Variants in CADPS2 observed in about 807,000 individuals in gnomAD.
The protein encoded by CADPS2 is calcium dependent secretion activator 2, also known as calcium-dependent secretion activator 2.
In CADPS2, 93 loss-of-function variants were observed where a neutral mutation model predicts 172.5. The ratio of observed to expected loss-of-function variants is 0.54; its 90% CI spans 0.46 to 0.64. The LOEUF is 0.64. CADPS2 is among the 30% of genes least tolerant of loss of function. The probability of loss-of-function intolerance (pLI) is 0.00; values close to 1 mark genes in which losing one functional copy is unlikely to be tolerated. For synonymous variants in CADPS2, 546 were observed against 555.2 expected, an observed-to-expected ratio of 0.98 and a Z score of 0.23; for missense variants, 1,420 against 1,565.9, an observed-to-expected ratio of 0.91 and a Z score of 1.57.
At chr7:122,498,436 A>G (rs2058933965) in intron 9 of CADPS2, among the ~76,000 whole-genome samples, 1 of 152,056 alleles carries the variant, frequency 6.6e-6, no homozygotes, top group African/African-American at 2.4e-5. Flanking sequence ...CCTCTGTCAC[A>G]TTTTTCCTTT....
intron 2 of CADPS2, among the ~76,000 whole-genome samples, chr7:122,683,512 A>G (rs543105147): frequency 6.6e-6 from 1 of 152,240 alleles, no homozygotes; most frequent in Admixed American, 6.5e-5. Context: ...TTTCGTAACA[A>G]TTTTATATAT....
At chr7:122,428,491 G>T (rs1226944828) in intron 17 of CADPS2, among the ~76,000 whole-genome samples, 4 of 147,490 alleles carry the variant, frequency 2.7e-5, no homozygotes, top group African/African-American at 1.0e-4. Flanking sequence ...TTTTGAGACG[G>T]AGTTTTGCTG....
At chr7:122,373,821 T>G (rs2042041378) in intron 25 of CADPS2, among the ~76,000 whole-genome samples, 1 of 152,058 alleles carries the variant, frequency 6.6e-6, no homozygotes, top group Admixed American at 6.6e-5. Flanking sequence ...ACCAAACATT[T>G]AAAGAAGAAT....
chr7:122,406,396 A>G (rs891890506), intron 20 of CADPS2, among the ~76,000 whole-genome samples: 4 of 152,220 alleles, frequency 2.6e-5, no homozygotes, highest in Non-Finnish European at 5.9e-5. Flanking sequence ...ATAAAGTATA[A>G]TAAAAAAAGT....
intron 2 of CADPS2, among the ~76,000 whole-genome samples, chr7:122,699,784 T>C (rs1482177551): frequency 6.6e-6 from 1 of 152,162 alleles, no homozygotes; most frequent in Admixed American, 6.5e-5. Flanking sequence ...ATGTCTGTTA[T>C]TAATCAAACA....
At chr7:122,664,064 C>CAAAAAAAAAAAA (rs541690772) in intron 2 of CADPS2, among the ~76,000 whole-genome samples, 1 of 84,882 alleles carries the variant, frequency 1.2e-5, no homozygotes, top group Non-Finnish European at 2.2e-5. Flanking sequence ...TGTTTATAAG[C>CAAAAAAAAAAAA]AAAAAAAAAA....
intron 28 of CADPS2, among the ~76,000 whole-genome samples, chr7:122,328,192 C>T (rs1422462827): frequency 6.6e-6 from 1 of 150,486 alleles, no homozygotes; most frequent in African/African-American, 2.4e-5. Context: ...ACAATGAAAG[C>T]CACCAGACAG....
At chr7:122,675,239 T>C (rs955045938) in intron 2 of CADPS2, among the ~76,000 whole-genome samples, 1 of 152,186 alleles carries the variant, frequency 6.6e-6, no homozygotes, top group Non-Finnish European at 1.5e-5. Flanking sequence ...TCCTCTGTGG[T>C]GACACCAGAC....
chr7:122,471,618 G>C (rs1367719191), intron 13 of CADPS2, 56 bp from the exon 14 acceptor site: 2 of 1,451,860 alleles, frequency 1.4e-6, no homozygotes, highest in African/African-American at 2.9e-5. Context: ...ACTACGATTT[G>C]CTTTCCTGAA....
At chr7:122,662,810 T>C (rs577174336) in intron 3 of CADPS2, among the ~76,000 whole-genome samples, 1 of 152,308 alleles carries the variant, frequency 6.6e-6, no homozygotes, top group Admixed American at 6.5e-5. Flanking sequence ...ATAAAAAAAT[T>C]TGAAATTTAA....
chr7:122,637,679 G>T (rs1322300078), intron 3 of CADPS2, among the ~76,000 whole-genome samples: 1 of 152,106 alleles, frequency 6.6e-6, no homozygotes, highest in Non-Finnish European at 1.5e-5. Flanking sequence ...ATTACAATCT[G>T]GTTAAGAACT....
chr7:122,344,928 G>A (rs2150971905), intron 28 of CADPS2, among the ~76,000 whole-genome samples: 1 of 152,180 alleles, frequency 6.6e-6, no homozygotes, highest in African/African-American at 2.4e-5. Context: ...AACAGGAATT[G>A]GAAATGGGGA....
At chr7:122,683,041 C>G (rs1232973079) in intron 2 of CADPS2, among the ~76,000 whole-genome samples, 1 of 152,160 alleles carries the variant, frequency 6.6e-6, no homozygotes, top group Admixed American at 6.5e-5. Flanking sequence ...CCCCTGTCCT[C>G]TTGGTTCTTG....
chr7:122,652,959 T>C (rs2079333062), intron 3 of CADPS2, among the ~76,000 whole-genome samples: 3 of 152,246 alleles, frequency 2.0e-5, no homozygotes, highest in Admixed American at 1.3e-4. Flanking sequence ...TTACTGGCTC[T>C]GACTCAAAGT....
chr7:122,561,168 C>G lies in CADPS2; in HGVS notation c.1336-6479G>C, dbSNP rs552214113. ...GTATACTGAAAGATTAGCATTAAAT[C>G]TTGTCAACCTTATTTTCCATGGGCT... On this transcript the variant is annotated intron_variant, in intron 7 of 29. Transcript: ENST00000449022. Among the ~76,000 whole-genome samples the G allele has an allele frequency of 2.6e-5, 4 of 152,210 alleles. No homozygotes were observed. In the East Asian group the frequency reaches 7.7e-4, roughly 29 times the overall value.
At chr7:122,662,302 A>G (rs2080663271) in intron 3 of CADPS2, among the ~76,000 whole-genome samples, 1 of 152,092 alleles carries the variant, frequency 6.6e-6, no homozygotes, top group Admixed American at 6.5e-5. Context: ...ATATAGAAGG[A>G]CTACATTATT....
At chr7:122,853,369 C>T (rs764878674) in intron 1 of CADPS2, among the ~76,000 whole-genome samples, 2 of 152,182 alleles carry the variant, frequency 1.3e-5, no homozygotes, top group Non-Finnish European at 2.9e-5. Context: ...GCCCAGATCC[C>T]GGGTTCTGCT....
At chr7:122,567,274 A>C (rs964205098) in intron 7 of CADPS2, among the ~76,000 whole-genome samples, 5 of 152,130 alleles carry the variant, frequency 3.3e-5, no homozygotes, top group African/African-American at 1.2e-4. Flanking sequence ...TACAGTTTGC[A>C]GCGAACTCAA....
At chr7:122,680,161 C>A (rs1263386841) in intron 2 of CADPS2, among the ~76,000 whole-genome samples, 1 of 152,214 alleles carries the variant, frequency 6.6e-6, no homozygotes, top group African/African-American at 2.4e-5. Context: ...TATCTGACCT[C>A]TGTTTTTATT....
Sources: gnomAD v4.1 joint callset for allele counts (sites outside exome capture counted in the v4.1 genomes callset) on GRCh38, gnomAD v4.1.1 for gene constraint, MANE v1.5 for transcripts, NCBI Gene and HGNC (gene_info 2026-07-23, HGNC 2026-07-21) for gene names.